Variants in PARK7 observed in about 807,000 individuals in gnomAD.
PARK7 encodes Parkinson disease protein 7.
In PARK7, 14 loss-of-function variants were observed where a neutral mutation model predicts 20.5. The observed-to-expected ratio is 0.68, with a 90% CI of 0.45 to 1.07. PARK7 has a LOEUF of 1.07. Ranked by LOEUF, PARK7 falls within the 50% of genes least tolerant of loss-of-function variation. The pLI is 0.00. For synonymous variants in PARK7, 98 were observed against 84.3 expected (o/e 1.16, Z -0.89); for missense variants, 234 against 238.1 (o/e 0.98, Z 0.11).
chr1:7,969,219 C>G (rs1640397716), intron 3 of PARK7, 126 bp from the exon 4 acceptor site: 2 of 729,366 alleles, frequency 2.7e-6, no homozygotes, highest in Non-Finnish European at 4.5e-6. Context: ...TTTAACTGTT[C>G]TATTGGCAGA....
rs539876064 is a variant in PARK7, at chr1:7,965,319, C to T, written c.91-5C>T. Reference sequence around the variant, plus strand: ...TTCTTAAATATGATAACATCTTTCTCGTAGATTAAGGTCACCGTTGCAGGC... The same window carrying T: ...TTCTTAAATATGATAACATCTTTCTTGTAGATTAAGGTCACCGTTGCAGGC... On this transcript the variant is annotated splice_region_variant and splice_polypyrimidine_tract_variant and intron_variant, in intron 2 of 6. Transcript: ENST00000338639. The T allele has an allele frequency of 4.3e-5, 69 of 1,611,478 alleles. No homozygotes were observed. The Middle Eastern group carries it at 5.0e-4, about 12-fold the overall frequency.
rs1011448256 is a variant in PARK7, at chr1:7,985,500, A to G, written c.*446A>G. On this transcript the variant is annotated 3_prime_UTR_variant, in exon 7 of 7. Coordinates refer to ENST00000338639, the MANE Select transcript of PARK7 (RefSeq NM_007262.5). ...TTTAATGTGCTATTAAAAAATACCA[A>G]TGAGGGCTGGGTGTGGTGGCTCATG... 5.1e-5 allele frequency: 13 copies of G among 256,764 alleles called. No individual in the cohort carries two copies. Among genetic ancestry groups the G allele is most frequent in the Admixed American group, 3.1e-4 (6 of 19,582 alleles). 15.9% of individuals were successfully genotyped at this position (256,764 alleles called of 1,614,324 possible). A position where few individuals can be genotyped will look rare whatever the true frequency, so the allele number is the denominator to read the frequency against.
In PARK7 at chr1:7,973,907, CAAAAAAA is replaced by C. The variant is rs781083944; in HGVS notation, c.322+2956_322+2962del. 8.1e-5 allele frequency among the ~76,000 whole-genome samples: 6 copies of C among 74,350 alleles called. No homozygotes were observed. In the South Asian group the frequency reaches 1.5e-3, roughly 18 times the overall value. 48.8% of individuals were successfully genotyped at this position (74,350 alleles called of 152,430 possible). Reference sequence around the variant, plus strand: ...TGAGCGACAGAGCAAGACTTCGTTTCAAAAAAAAAAAAAAAAAATCAACCACATTTGG... The same window carrying C: ...TGAGCGACAGAGCAAGACTTCGTTTCAAAAAAAAAAATCAACCACATTTGG... On this transcript the variant is annotated intron_variant, in intron 5 of 6. Transcript: ENST00000338639.
intron 5 of PARK7, among the ~76,000 whole-genome samples, chr1:7,975,897 G>A (rs559721979): frequency 6.6e-5 from 10 of 152,072 alleles, no homozygotes; most frequent in East Asian, 1.9e-4. Context: ...CAATTCTTAC[G>A]GACTTCTAAA....
intron 2 of PARK7, among the ~76,000 whole-genome samples, chr1:7,963,308 C>T (rs1640249008): frequency 6.6e-6 from 1 of 152,122 alleles, no homozygotes; most frequent in South Asian, 2.1e-4. Flanking sequence ...AAGTTGTCCA[C>T]CCGCCTCAGG....
chr1:7,982,998 A>G (rs1640743260), intron 6 of PARK7: 1 of 152,248 alleles, frequency 6.6e-6, no homozygotes, highest in African/African-American at 2.4e-5. Flanking sequence ...CTTGGTTTCT[A>G]ATGACAGTAA....
intron 6 of PARK7, among the ~76,000 whole-genome samples, chr1:7,983,572 C>G (rs1047654261): frequency 6.6e-6 from 1 of 152,242 alleles, no homozygotes; most frequent in African/African-American, 2.4e-5. Flanking sequence ...GTGCGAAGGC[C>G]AGACCGCAGA....
chr1:7,966,721 T>A (rs1022969143), intron 3 of PARK7, among the ~76,000 whole-genome samples: 1 of 152,050 alleles, frequency 6.6e-6, no homozygotes, highest in Non-Finnish European at 1.5e-5. Context: ...GTCTCAAAAA[T>A]AATAATAATA....
chr1:7,981,100 T>G (rs1214776681), intron 6 of PARK7, among the ~76,000 whole-genome samples: 2 of 152,166 alleles, frequency 1.3e-5, no homozygotes, highest in Non-Finnish European at 2.9e-5. Context: ...TTTGATGGCA[T>G]CCGCATGCCT....
At chr1:7,974,624 A>G (rs1354118696) in intron 5 of PARK7, among the ~76,000 whole-genome samples, 4 of 150,668 alleles carry the variant, frequency 2.7e-5, no homozygotes, top group Admixed American at 6.6e-5. Flanking sequence ...GTGAGACTCC[A>G]TCTCAAAAAA....
intron 4 of PARK7, 51 bp from the exon 5 acceptor site, chr1:7,970,843 G>C (rs376707636): frequency 6.4e-7 from 1 of 1,569,456 alleles, no homozygotes; most frequent in Admixed American, 1.7e-5. Flanking sequence ...GTGAGTGATT[G>C]GTTAGTGGCT....
chr1:7,963,491 C>T (rs1484384319), intron 2 of PARK7, among the ~76,000 whole-genome samples: 7 of 150,896 alleles, frequency 4.6e-5, no homozygotes, highest in Non-Finnish European at 8.8e-5. Flanking sequence ...TCAAGAGATT[C>T]TCCTGCCTCA....
intron 2 of PARK7, 25 bp downstream of exon 2, chr1:7,962,900 C>T (rs760805139): frequency 1.5e-5 from 24 of 1,555,552 alleles, no homozygotes; most frequent in Admixed American, 1.0e-4. Context: ...GATTTTTAGC[C>T]ATTCCTGTTT....
At chr1:7,965,849 C>T (rs979640294) in intron 3 of PARK7, among the ~76,000 whole-genome samples, 1 of 152,094 alleles carries the variant, frequency 6.6e-6, no homozygotes, top group Non-Finnish European at 1.5e-5. Flanking sequence ...CCACTCTCTC[C>T]CCTAGGCTGG....
intron 3 of PARK7, chr1:7,969,142 C>A: frequency 1.8e-6 from 1 of 555,066 alleles, no homozygotes; most frequent in Non-Finnish European, 3.2e-6. Context: ...CATGTCACTA[C>A]ATACAGGTTT....
chr1:7,970,804 C>G, intron 4 of PARK7, 90 bp from the exon 5 acceptor site: 1 of 1,306,068 alleles, frequency 7.7e-7, no homozygotes, highest in Non-Finnish European at 1.1e-6. Context: ...GTGGTTTAAA[C>G]TAAAATTAAA....
In PARK7 at chr1:7,981,655, C is replaced by CT. The variant is rs1458652247; in HGVS notation, c.410-3235dup. Among the ~76,000 whole-genome samples, 195 of 131,044 alleles carry CT rather than the reference C, an allele frequency of 1.5e-3. 2 individuals are homozygous for CT. Among genetic ancestry groups the CT allele is most frequent in the African/African-American group, 3.7e-3 (136 of 37,254 alleles). The allele number at this position is 131,044 out of a possible 152,430, so 86.0% of individuals were successfully genotyped here. A position where few individuals can be genotyped will look rare whatever the true frequency, so the allele number is the denominator to read the frequency against. On this transcript the variant is annotated intron_variant, in intron 6 of 6. Transcript: ENST00000338639. ...GTCGTTGCTGACCTGTGTCCTGTGTCTTTTGTTTTTTTTTTTTTTTTGAGA... is the reference window on the plus strand; with the variant it reads ...GTCGTTGCTGACCTGTGTCCTGTGTCTTTTTGTTTTTTTTTTTTTTTTGAGA...
intron 3 of PARK7, 133 bp from the exon 4 acceptor site, chr1:7,969,212 A>T: frequency 1.4e-6 from 1 of 699,386 alleles, no homozygotes; most frequent in Non-Finnish European, 2.4e-6. Context: ...TAATTTATTT[A>T]ACTGTTCTAT....
intron 5 of PARK7, 117 bp from the exon 6 acceptor site, chr1:7,977,535 T>C: frequency 1.2e-6 from 1 of 866,326 alleles, no homozygotes; most frequent in Admixed American, 2.0e-5. Context: ...TTTTTCTACC[T>C]AGGCCTCCCC....
Sources: gnomAD v4.1 joint callset for allele counts (sites outside exome capture counted in the v4.1 genomes callset) on GRCh38, gnomAD v4.1.1 for gene constraint, MANE v1.5 for transcripts, NCBI Gene and HGNC (gene_info 2026-07-23, HGNC 2026-07-21) for gene names.